SYT1: variants seen among roughly 807,000 people sequenced by gnomAD.
The protein encoded by SYT1 is synaptotagmin-1.
SYT1 carries 8 observed loss-of-function variants against 44.8 expected under a neutral mutation model. That is an observed-to-expected ratio of 0.18 (90% CI 0.10 to 0.32). SYT1 has a LOEUF of 0.32. Among genes scored for constraint, SYT1 ranks in the 10% least tolerant of loss-of-function variants. SYT1 has a pLI of 1.00. For missense variants in SYT1, 286 were observed against 509.3 expected, an observed-to-expected ratio of 0.56 and a Z score of 4.22; for synonymous variants, 154 against 188.8, an observed-to-expected ratio of 0.82 and a Z score of 1.51.
At chr12:79,025,631 G>A (rs545085287) in intron 2 of SYT1, among the ~76,000 whole-genome samples, 2 of 151,518 alleles carry the variant, frequency 1.3e-5, no homozygotes, top group African/African-American at 4.8e-5. Context: ...TATGATATAT[G>A]TATGTATATG....
intron 4 of SYT1, among the ~76,000 whole-genome samples, chr12:79,272,644 A>C (rs1878491323): frequency 6.6e-6 from 1 of 152,160 alleles, no homozygotes; most frequent in Non-Finnish European, 1.5e-5. Flanking sequence ...TAGAATAGGG[A>C]GTAGAATAGA....
At chr12:79,230,006 A>G (rs1875773864) in intron 4 of SYT1, among the ~76,000 whole-genome samples, 1 of 152,196 alleles carries the variant, frequency 6.6e-6, no homozygotes, top group African/African-American at 2.4e-5. Context: ...TTTAGAGGGC[A>G]TGGTCACAGG....
At chr12:79,392,333 T>C (rs755264630) in intron 9 of SYT1, 2 of 152,146 alleles carry the variant, frequency 1.3e-5, no homozygotes, top group Non-Finnish European at 2.9e-5. Flanking sequence ...CTACATGTCA[T>C]AGGAAAAACA....
intron 2 of SYT1, among the ~76,000 whole-genome samples, chr12:79,012,744 A>T (rs1871499567): frequency 6.6e-6 from 1 of 152,200 alleles, no homozygotes; most frequent in South Asian, 2.1e-4. Context: ...TTCTGAAAAC[A>T]GGAGAGTGCA....
chr12:79,312,907 A>C (rs1880881930), intron 8 of SYT1, among the ~76,000 whole-genome samples: 1 of 151,832 alleles, frequency 6.6e-6, no homozygotes, highest in South Asian at 2.1e-4. Flanking sequence ...TTTGCATATG[A>C]CTGCTGCTAC....
At chr12:79,036,755 C>T (rs1338156879) in intron 2 of SYT1, among the ~76,000 whole-genome samples, 3 of 151,710 alleles carry the variant, frequency 2.0e-5, no homozygotes, top group African/African-American at 7.3e-5. Context: ...ATCCTTTATT[C>T]ATCTTTTCTA....
chr12:78,884,673 A>G (rs1050090798), intron 1 of SYT1, among the ~76,000 whole-genome samples: 1 of 151,220 alleles, frequency 6.6e-6, no homozygotes, highest in Non-Finnish European at 1.5e-5. Context: ...ATAAAATTTT[A>G]TAATTATATT....
intron 4 of SYT1, among the ~76,000 whole-genome samples, chr12:79,249,849 A>C (rs1402097765): frequency 6.6e-6 from 1 of 152,190 alleles, no homozygotes; most frequent in Non-Finnish European, 1.5e-5. Flanking sequence ...AGTAGAATGT[A>C]AAGTATCAAA....
At chr12:79,117,719 T>TATA (rs1879380925) in intron 3 of SYT1, among the ~76,000 whole-genome samples, 2 of 90,364 alleles carry the variant, frequency 2.2e-5, no homozygotes, top group Non-Finnish European at 2.3e-5. Flanking sequence ...ATATATAAAA[T>TATA]AAATAGGTTG....
chr12:79,075,110 C>T (rs201588275), intron 3 of SYT1, among the ~76,000 whole-genome samples: 1 of 152,096 alleles, frequency 6.6e-6, no homozygotes, highest in African/African-American at 2.4e-5. Flanking sequence ...TGCAGAAATG[C>T]GAACCTTAAC....
chr12:78,974,318 T>C (rs1379634362), intron 1 of SYT1, among the ~76,000 whole-genome samples: 1 of 152,036 alleles, frequency 6.6e-6, no homozygotes, highest in Non-Finnish European at 1.5e-5. Context: ...TGCATAACTA[T>C]ATTGGATAAT....
rs1224237637 is a variant in SYT1, at chr12:78,885,849, T to C, written c.-217+20740T>C. Among the ~76,000 whole-genome samples the C allele has an allele frequency of 2.6e-5, 4 of 152,120 alleles. No individual in the cohort carries two copies. The East Asian group carries it at 7.8e-4, about 30-fold the overall frequency. On this transcript the variant is annotated intron_variant, in intron 1 of 10. Transcript: ENST00000261205. ...TGAGAATAAAATATTCTTGCTAGAA[T>C]AGACTGAATAGGGCCAAGGGTGGAA...
At chr12:78,958,570 C>G (rs1406064169) in intron 1 of SYT1, among the ~76,000 whole-genome samples, 1 of 152,020 alleles carries the variant, frequency 6.6e-6, no homozygotes, top group Non-Finnish European at 1.5e-5. Context: ...TGGCACACAC[C>G]TGAAATCCCA....
At chr12:79,249,872 A>G (rs1225363122) in intron 4 of SYT1, among the ~76,000 whole-genome samples, 1 of 152,128 alleles carries the variant, frequency 6.6e-6, no homozygotes, top group African/African-American at 2.4e-5. Context: ...TTTGAACCCC[A>G]ACATCAGAAG....
chr12:79,256,960 T>G (rs1474529889), intron 4 of SYT1, among the ~76,000 whole-genome samples: 1 of 152,174 alleles, frequency 6.6e-6, no homozygotes, highest in Non-Finnish European at 1.5e-5. Context: ...CAGCTCCATT[T>G]CCAGAGGAGA....
chr12:79,135,780 G>T (rs535867906), intron 3 of SYT1, among the ~76,000 whole-genome samples: 55 of 152,326 alleles, frequency 3.6e-4, no homozygotes, highest in African/African-American at 1.3e-3. Flanking sequence ...AGGGGTCAAT[G>T]ATGGTGAATG....
At chr12:78,886,077 A>G (rs763276732) in intron 1 of SYT1, among the ~76,000 whole-genome samples, 16 of 151,944 alleles carry the variant, frequency 1.1e-4, no homozygotes, top group Non-Finnish European at 5.9e-5. Context: ...TAATTTTTTT[A>G]ACATGTTATA....
chr12:79,189,112 C>G (rs765293683), intron 3 of SYT1, among the ~76,000 whole-genome samples: 6 of 152,146 alleles, frequency 3.9e-5, no homozygotes, highest in Admixed American at 2.0e-4. Context: ...AGACCACTAT[C>G]TAGCTTTCTG....
chr12:79,000,239 A>G (rs943444999), intron 2 of SYT1, among the ~76,000 whole-genome samples: 8 of 151,998 alleles, frequency 5.3e-5, no homozygotes, highest in Non-Finnish European at 1.2e-4. Context: ...CTTGCTGTTT[A>G]ACATAAGTGG....
Sources: allele counts gnomAD v4.1 joint callset (sites outside exome capture counted in the v4.1 genomes callset), GRCh38; gene constraint gnomAD v4.1.1; transcripts MANE v1.5; gene names NCBI Gene and HGNC (gene_info 2026-07-23, HGNC 2026-07-21).